CAND1: variants seen among roughly 807,000 people sequenced by gnomAD.
CAND1 encodes cullin associated and neddylation dissociated 1.
A neutral mutation model predicts 108.5 loss-of-function variants in CAND1; 7 were observed. The ratio of observed to expected loss-of-function variants is 0.06; its 90% CI spans 0.04 to 0.12. CAND1 has a LOEUF of 0.12. Among genes scored for constraint, CAND1 ranks in the 10% least tolerant of loss-of-function variants. The pLI, the probability that CAND1 is intolerant of heterozygous loss-of-function variation, is 1.00. For synonymous variants in CAND1, 534 were observed against 512.0 expected, an observed-to-expected ratio of 1.04 and a Z score of -0.58; for missense variants, 941 against 1,448.7, an observed-to-expected ratio of 0.65 and a Z score of 5.69.
chr12:67,315,815 A>G lies in CAND1; in HGVS notation c.*2985A>G, dbSNP rs556187232. ...ATCTAGTTCAGTCTCAGATGTATGA[A>G]TATGATTATATAGTCATGATTGAAG... On this transcript the variant is annotated 3_prime_UTR_variant, in exon 15 of 15. Coordinates refer to ENST00000545606, the MANE Select transcript of CAND1 (RefSeq NM_018448.5). 1 of 152,276 alleles carries G rather than the reference A, an allele frequency of 6.6e-6. No individual in the cohort carries two copies. Among genetic ancestry groups the G allele is most frequent in the Admixed American group, 6.5e-5 (1 of 15,290 alleles). 9.4% of individuals were successfully genotyped at this position (152,276 alleles called of 1,614,324 possible). A position where few individuals can be genotyped will look rare whatever the true frequency, so the allele number is the denominator to read the frequency against.
intron 14 of CAND1, among the ~76,000 whole-genome samples, chr12:67,312,010 G>A (rs955878467): frequency 2.0e-5 from 3 of 152,068 alleles, no homozygotes; most frequent in African/African-American, 7.2e-5. Flanking sequence ...ATATCAATAT[G>A]TTAACATTTT....
rs2045006295 is a variant in CAND1 at position 67,316,227 on chromosome 12, A to G, written c.*3397A>G. On this transcript the variant is annotated 3_prime_UTR_variant, in exon 15 of 15. Coordinates refer to ENST00000545606, the MANE Select transcript of CAND1 (RefSeq NM_018448.5). ...AGTTTATTGACTGATTGGACAAAGG[A>G]TATTCTGGTTTTAACTGACTTTTCC... is the stretch of plus-strand genomic sequence containing the variant. The G allele has an allele frequency of 6.6e-6, 1 of 152,214 alleles. No individual in the cohort carries two copies. Among genetic ancestry groups the G allele is most frequent in the Non-Finnish European group, 1.5e-5 (1 of 68,038 alleles). 9.4% of individuals were successfully genotyped at this position (152,214 alleles called of 1,614,324 possible). A position where few individuals can be genotyped will look rare whatever the true frequency, so the allele number is the denominator to read the frequency against.
intron 1 of CAND1, among the ~76,000 whole-genome samples, chr12:67,281,289 C>CTGG (rs2044617698): frequency 6.6e-6 from 1 of 151,748 alleles, no homozygotes; most frequent in African/African-American, 2.4e-5. Context: ...GAGATCCTGC[C>CTGG]ACTGCACTCC....
chr12:67,281,841 G>GA (rs1262275853), intron 1 of CAND1, 69 bp from the exon 2 acceptor site: 29 of 1,165,470 alleles, frequency 2.5e-5, no homozygotes, highest in Non-Finnish European at 3.0e-5. Flanking sequence ...CAGTGGATTT[G>GA]AAAAATCATT....
chr12:67,319,680 T>A lies in CAND1; in HGVS notation c.*6850T>A, dbSNP rs569501150. ...AGCTGTTCACAAACAGCCCTTAATG[T>A]CAAACTGAATACTGCCAACGTAGTT... On this transcript the variant is annotated 3_prime_UTR_variant, in exon 15 of 15. Coordinates refer to ENST00000545606, the MANE Select transcript of CAND1 (RefSeq NM_018448.5). 13 of 152,322 alleles carry A rather than the reference T, an allele frequency of 8.5e-5. No homozygotes were observed. In the South Asian group the frequency reaches 2.7e-3, roughly 32 times the overall value. The allele number at this position is 152,322 out of a possible 1,614,324, so 9.4% of individuals were successfully genotyped here.
chr12:67,269,805 C>T lies in CAND1; in HGVS notation c.68+20C>T. On this transcript the variant is annotated intron_variant, in intron 1 of 14. Transcript: ENST00000545606. ...CTTTAGGTGAGGCCGAGATCCGACC[C>T]TCACCCCACCTCGGGGTTCTCGCAG... The T allele has an allele frequency of 6.3e-7, 1 of 1,593,494 alleles. No homozygotes were observed. The highest frequency in any genetic ancestry group is 8.5e-7 in the Non-Finnish European group (1 of 1,170,762).
chr12:67,301,508 G>A (rs181388798), intron 7 of CAND1, among the ~76,000 whole-genome samples: 35 of 152,180 alleles, frequency 2.3e-4, no homozygotes, highest in African/African-American at 8.4e-4. Context: ...AAACCTGATG[G>A]TGTTAGAAAG....
chr12:67,298,398 C>T (rs1274546681), intron 6 of CAND1, among the ~76,000 whole-genome samples: 1 of 152,124 alleles, frequency 6.6e-6, no homozygotes, highest in Non-Finnish European at 1.5e-5. Flanking sequence ...TTGTTTTCTG[C>T]ATTTATCCCT....
intron 2 of CAND1, among the ~76,000 whole-genome samples, chr12:67,291,706 C>A (rs995702510): frequency 1.3e-5 from 2 of 152,108 alleles, no homozygotes; most frequent in African/African-American, 2.4e-5. Flanking sequence ...CTGCACGAAA[C>A]AAAGCTTTGA....
chr12:67,296,782 G>A (rs1394356354), intron 4 of CAND1, among the ~76,000 whole-genome samples: 1 of 151,700 alleles, frequency 6.6e-6, no homozygotes, highest in African/African-American at 2.4e-5. Flanking sequence ...CAAGATGATT[G>A]TGTAGTTTTG....
At chr12:67,296,535 A>G (rs1171876103) in intron 4 of CAND1, among the ~76,000 whole-genome samples, 1 of 150,856 alleles carries the variant, frequency 6.6e-6, no homozygotes, top group Non-Finnish European at 1.5e-5. Flanking sequence ...CCTGGGTTCA[A>G]GTGATTCTCG....
In CAND1 at chr12:67,292,673, A is replaced by G. The variant is rs1303397171; in HGVS notation, c.264A>G (p.Val88=). The G allele has an allele frequency of 6.2e-7, 1 of 1,613,102 alleles. No homozygotes were observed. The highest frequency in any genetic ancestry group is 1.7e-5 in the Admixed American group (1 of 59,980). The change falls in exon 3 of 15, where the codon GTA becomes GTG. Residue 88 remains valine, a synonymous_variant. Transcript: ENST00000545606. ...KVKEYQVETI[V]DTLCTNMLSD... ...AAGAATACCAAGTAGAGACAATTGT[A>G]GATACCCTCTGCACTAACATGCTTT...
intron 8 of CAND1, among the ~76,000 whole-genome samples, chr12:67,303,166 G>T (rs1169565869): frequency 6.6e-6 from 1 of 152,178 alleles, no homozygotes; most frequent in Non-Finnish European, 1.5e-5. Context: ...CTAAACATTA[G>T]AGCTATTATA....
At position 67,313,503 on chromosome 12, in the gene CAND1, A is replaced by G. The variant is rs1181551653; in HGVS notation, c.*673A>G. On this transcript the variant is annotated 3_prime_UTR_variant, in exon 15 of 15. Transcript: ENST00000545606. ...TCATAATATAGAAGTTAAAATAAGT[A>G]TTAGTGCAATTTTCAGATATTTATT... 1 of 152,618 alleles carries G rather than the reference A, an allele frequency of 6.6e-6. No homozygotes were observed. Among genetic ancestry groups the G allele is most frequent in the Non-Finnish European group, 1.5e-5 (1 of 68,024 alleles). The allele number at this position is 152,618 out of a possible 1,614,324, so 9.5% of individuals were successfully genotyped here. A position where few individuals can be genotyped will look rare whatever the true frequency, so the allele number is the denominator to read the frequency against.
chr12:67,291,890 CAG>C (rs1469830425), intron 2 of CAND1, among the ~76,000 whole-genome samples: 1 of 152,254 alleles, frequency 6.6e-6, no homozygotes, highest in East Asian at 1.9e-4. Context: ...TTAATTGAGA[CAG>C]AGTCTCCTCT....
intron 8 of CAND1, among the ~76,000 whole-genome samples, chr12:67,303,223 CT>C (rs567557562): frequency 0.01 from 1,531 of 152,328 alleles, 25 homozygotes; most frequent in Non-Finnish European, 0.016. Context: ...ATTCTCCTAT[CT>C]TATATGTAAT....
chr12:67,282,535 G>T (rs1393837447), intron 2 of CAND1, among the ~76,000 whole-genome samples: 1 of 151,846 alleles, frequency 6.6e-6, no homozygotes, highest in African/African-American at 2.4e-5. Context: ...TGACCTCCTG[G>T]ACTAAAATCC....
chr12:67,293,774 A>G (rs998607406), intron 3 of CAND1, among the ~76,000 whole-genome samples: 3 of 152,132 alleles, frequency 2.0e-5, no homozygotes, highest in Admixed American at 1.3e-4. Flanking sequence ...AAAAAAACAA[A>G]AAAATAAATA....
chr12:67,305,481 G>A lies in CAND1; in HGVS notation c.1813G>A (p.Gly605Ser), dbSNP rs776917854. 6.2e-7 allele frequency: 1 copy of A among 1,613,614 alleles called. No homozygotes were observed. The highest frequency in any genetic ancestry group is 1.1e-5 in the South Asian group (1 of 91,076). The change falls in exon 10 of 15, where the codon GGT becomes AGT. Residue 605 changes from glycine (G) to serine (S), a missense_variant. By Grantham distance (56) the Gly-to-Ser change is moderately conservative. Around this residue, in one of 9 missense-constraint regions of CAND1, gnomAD observed 697 missense variants for 942.0 expected, o/e 0.74. Transcript: ENST00000545606. This position sits in a 1 kb window ranked among gnomAD's most constrained non-coding sequence, Gnocchi z 4.4. ...TATTTGCAACCTTGGAGACAATTTG[G>A]GTTCTGACTTGCCTAATACACTTCA... ...QIICNLGDNL[G>S]SDLPNTLQIF...
Sources: allele counts gnomAD v4.1 joint callset (sites outside exome capture counted in the v4.1 genomes callset), GRCh38; gene constraint gnomAD v4.1.1; regional missense constraint gnomAD v4.1.1; non-coding constraint Gnocchi (gnomAD v3.1); transcripts MANE v1.5; gene names NCBI Gene and HGNC (gene_info 2026-07-23, HGNC 2026-07-21).